Variants in GPHN observed in about 807,000 individuals in gnomAD.
The protein encoded by GPHN is gephyrin.
GPHN carries 17 observed loss-of-function variants against 95.5 expected under a neutral mutation model. That is an observed-to-expected ratio of 0.18 (90% CI 0.12 to 0.27). The LOEUF (loss-of-function observed/expected upper bound fraction) is 0.27, where lower values mean the gene tolerates loss of function less well. Among genes scored for constraint, GPHN ranks in the 10% least tolerant of loss-of-function variants. GPHN has a pLI of 1.00. For synonymous variants in GPHN, 320 were observed against 322.5 expected (o/e 0.99, Z 0.08); for missense variants, 660 against 978.1 (o/e 0.67, Z 4.34).
intron 17 of GPHN, among the ~76,000 whole-genome samples, chr14:67,140,758 A>G (rs2080409112): frequency 6.6e-6 from 1 of 152,228 alleles, no homozygotes; most frequent in Non-Finnish European, 1.5e-5. Context: ...CAGCAAGGCA[A>G]GGAGCCCAGA....
chr14:67,533,986 C>A, the GPHN span, among the ~76,000 whole-genome samples: 1 of 152,080 alleles, frequency 6.6e-6, no homozygotes, highest in African/African-American at 2.4e-5. Context: ...AAGGAAACTC[C>A]TCTCCTTGTG....
chr14:67,548,860 A>G, the GPHN span, among the ~76,000 whole-genome samples: 5 of 152,244 alleles, frequency 3.3e-5, no homozygotes, highest in East Asian at 7.7e-4. Flanking sequence ...GTTTTGGAGT[A>G]TAACTCAGTT....
intron 4 of GPHN, among the ~76,000 whole-genome samples, chr14:66,875,028 A>T (rs528503457): frequency 3.6e-4 from 54 of 151,992 alleles, no homozygotes; most frequent in Admixed American, 3.1e-3. Context: ...GTTACCCACA[A>T]GGAAGCCCAT....
chr14:66,995,587 C>T (rs2071729087), intron 9 of GPHN, among the ~76,000 whole-genome samples: 1 of 152,130 alleles, frequency 6.6e-6, no homozygotes, highest in Non-Finnish European at 1.5e-5. Context: ...ATTTATTGAG[C>T]ACCTACTACA....
At chr14:67,692,972 C>T in the GPHN span, 1 of 1,614,016 alleles carries the variant, frequency 6.2e-7, no homozygotes, top group Non-Finnish European at 8.5e-7. Flanking sequence ...CTTCCCGATA[C>T]CTGTATTAGC....
rs748604732 is a variant in GPHN at position 67,111,829 on chromosome 14, G to T, written c.1414-32G>T. The T allele has an allele frequency of 5.7e-6, 9 of 1,570,224 alleles. No individual in the cohort carries two copies. The South Asian group carries it at 6.7e-5, about 12-fold the overall frequency. ...CTAAATTCTACTGCTCAGAAATTCTGTTTGAAATTACATGACCGGCTGTTA... is the reference window on the plus strand; with the variant it reads ...CTAAATTCTACTGCTCAGAAATTCTTTTTGAAATTACATGACCGGCTGTTA... On this transcript the variant is annotated intron_variant, in intron 14 of 22. Coordinates refer to ENST00000478722, the MANE Select transcript of GPHN (RefSeq NM_020806.5).
At chr14:67,431,307 G>T in the GPHN span, among the ~76,000 whole-genome samples, 1 of 145,890 alleles carries the variant, frequency 6.9e-6, no homozygotes, top group African/African-American at 2.6e-5. Context: ...CAGGAGAATT[G>T]CTTGAACCTG....
At chr14:67,033,236 A>G (rs998558446) in intron 10 of GPHN, among the ~76,000 whole-genome samples, 16 of 152,140 alleles carry the variant, frequency 1.1e-4, no homozygotes, top group African/African-American at 3.1e-4. Flanking sequence ...TAGAGGAGCA[A>G]AAAGAAAAAA....
chr14:67,005,894 T>TTA (rs1491542739), intron 9 of GPHN, among the ~76,000 whole-genome samples: 1 of 151,334 alleles, frequency 6.6e-6, no homozygotes, highest in Non-Finnish European at 1.5e-5. Flanking sequence ...AAGACTAATA[T>TTA]TATATATATA....
At chr14:67,179,905 C>T (rs2083233878) in intron 22 of GPHN, among the ~76,000 whole-genome samples, 1 of 152,008 alleles carries the variant, frequency 6.6e-6, no homozygotes, top group South Asian at 2.1e-4. Context: ...TTAGAATGTC[C>T]ACATATCATT....
intron 6 of GPHN, among the ~76,000 whole-genome samples, chr14:66,920,921 T>C (rs186782983): frequency 1.4e-4 from 21 of 152,310 alleles, no homozygotes; most frequent in Non-Finnish European, 2.9e-4. Context: ...TTGCAAGTGG[T>C]GTTAATTCAT....
At chr14:67,225,025 T>C in the GPHN span, 2 of 1,176,658 alleles carry the variant, frequency 1.7e-6, no homozygotes, top group African/African-American at 1.6e-5. Flanking sequence ...CTGTGCCTTT[T>C]TTTTCCTCCT....
intron 1 of GPHN, among the ~76,000 whole-genome samples, chr14:66,656,667 C>T (rs1168974340): frequency 3.3e-5 from 5 of 149,970 alleles, no homozygotes; most frequent in African/African-American, 1.2e-4. Context: ...ATGACTGTAT[C>T]TATGATGGTG....
At chr14:67,278,745 A>G in the GPHN span, among the ~76,000 whole-genome samples, 1 of 151,978 alleles carries the variant, frequency 6.6e-6, no homozygotes, top group Admixed American at 6.6e-5. Flanking sequence ...TTACTTTCCT[A>G]CTTTGCTAAA....
chr14:67,240,158 C>G, the GPHN span, among the ~76,000 whole-genome samples: 4 of 152,236 alleles, frequency 2.6e-5, no homozygotes, highest in African/African-American at 9.6e-5. Flanking sequence ...AACACTTGGA[C>G]AGAATGCTGA....
the GPHN span, chr14:67,648,104 T>A: frequency 6.2e-7 from 1 of 1,613,846 alleles, no homozygotes; most frequent in Non-Finnish European, 8.5e-7. Context: ...CTACACTGGC[T>A]CCAGCCACAG....
At chr14:67,004,687 C>CA (rs1421297511) in intron 9 of GPHN, among the ~76,000 whole-genome samples, 2 of 151,492 alleles carry the variant, frequency 1.3e-5, no homozygotes, top group Admixed American at 1.3e-4. Context: ...TGTTAAGTCA[C>CA]AAAAAAAGAA....
At chr14:67,639,619 C>T in the GPHN span, among the ~76,000 whole-genome samples, 9 of 151,944 alleles carry the variant, frequency 5.9e-5, no homozygotes, top group African/African-American at 2.2e-4. Flanking sequence ...AGGAATTGTC[C>T]ATTCAAGATC....
At chr14:67,463,952 C>T in the GPHN span, among the ~76,000 whole-genome samples, 1 of 152,206 alleles carries the variant, frequency 6.6e-6, no homozygotes, top group African/African-American at 2.4e-5. Context: ...ATACTGCCAA[C>T]AACCTTGAGA....
Sources: gnomAD v4.1 joint callset for allele counts (sites outside exome capture counted in the v4.1 genomes callset) on GRCh38, gnomAD v4.1.1 for gene constraint, MANE v1.5 for transcripts, NCBI Gene and HGNC (gene_info 2026-07-23, HGNC 2026-07-21) for gene names.